The following MGAT4C variants were observed in gnomAD, a reference collection of about 807,000 sequenced individuals.
MGAT4C encodes MGAT4 family member C.
In MGAT4C, 19 loss-of-function variants were observed where a neutral mutation model predicts 40.1. The observed-to-expected ratio is 0.47, with a 90% CI of 0.33 to 0.70. The LOEUF is 0.70. Among genes scored for constraint, MGAT4C ranks in the 30% least tolerant of loss-of-function variants. The pLI is 0.02. For missense variants in MGAT4C, 491 were observed against 563.2 expected (o/e 0.87, Z 1.30); for synonymous variants, 181 against 187.1 (o/e 0.97, Z 0.27).
At chr12:86,509,802 T>C (rs1477916839) in intron 2 of MGAT4C, among the ~76,000 whole-genome samples, 2 of 152,210 alleles carry the variant, frequency 1.3e-5, no homozygotes, top group Non-Finnish European at 2.9e-5. Context: ...GATTCCTAGG[T>C]ATTTTATTCT....
chr12:86,790,424 A>T (rs1378928624), intron 1 of MGAT4C, among the ~76,000 whole-genome samples: 1 of 152,154 alleles, frequency 6.6e-6, no homozygotes, highest in Non-Finnish European at 1.5e-5. Flanking sequence ...ATTCAAAAAA[A>T]ACTAGATTTA....
chr12:86,038,045 G>C (rs975428880), intron 2 of MGAT4C, among the ~76,000 whole-genome samples: 1 of 149,618 alleles, frequency 6.7e-6, no homozygotes, highest in African/African-American at 2.4e-5. Context: ...ATGCTACTAT[G>C]GAGGCTGTGA....
intron 1 of MGAT4C, among the ~76,000 whole-genome samples, chr12:86,234,672 C>T (rs1951457302): frequency 6.6e-6 from 1 of 152,088 alleles, no homozygotes; most frequent in Non-Finnish European, 1.5e-5. Flanking sequence ...ACTTAATAAC[C>T]TCTCTTTTTT....
At chr12:86,696,807 G>T (rs1950268071) in intron 2 of MGAT4C, among the ~76,000 whole-genome samples, 1 of 151,568 alleles carries the variant, frequency 6.6e-6, no homozygotes, top group African/African-American at 2.4e-5. Flanking sequence ...TTTTTAATAT[G>T]AGCCCACTAA....
At chr12:86,628,614 T>C (rs2136500830) in intron 2 of MGAT4C, among the ~76,000 whole-genome samples, 1 of 152,178 alleles carries the variant, frequency 6.6e-6, no homozygotes, top group East Asian at 1.9e-4. Context: ...AGAAAATAAT[T>C]TTCAACCCAG....
At chr12:86,447,657 C>T (rs1428995493) in intron 2 of MGAT4C, among the ~76,000 whole-genome samples, 1 of 151,954 alleles carries the variant, frequency 6.6e-6, no homozygotes, top group Non-Finnish European at 1.5e-5. Context: ...TTTGTTCTAA[C>T]ATTTGTATTG....
chr12:86,231,288 T>C (rs2136015429), intron 1 of MGAT4C, among the ~76,000 whole-genome samples: 1 of 152,330 alleles, frequency 6.6e-6, no homozygotes, highest in African/African-American at 2.4e-5. Context: ...AGATAACTTA[T>C]CCTTAGGCAA....
chr12:86,218,319 A>G lies in MGAT4C; in HGVS notation c.-57+37920T>C, dbSNP rs78966696. Among the ~76,000 whole-genome samples the G allele has an allele frequency of 1.2e-3, 188 of 152,242 alleles. 1 individual carries two copies. Among genetic ancestry groups the G allele is most frequent in the African/African-American group, 4.3e-3 (177 of 41,562 alleles). On this transcript the variant is annotated intron_variant, in intron 1 of 4. Coordinates refer to ENST00000611864, the MANE Select transcript of MGAT4C (RefSeq NM_001351288.2). ...TTTTTTCACAGTGACCTGTAATACT[A>G]TTTTGATGAACCCTTGATATTTTTG...
At chr12:86,790,588 C>A (rs1025990284) in intron 1 of MGAT4C, among the ~76,000 whole-genome samples, 37 of 152,166 alleles carry the variant, frequency 2.4e-4, no homozygotes, top group African/African-American at 8.9e-4. Flanking sequence ...TCCTGGTTGA[C>A]TGAATCACAG....
intron 2 of MGAT4C, among the ~76,000 whole-genome samples, chr12:86,593,198 A>G (rs2136450776): frequency 6.6e-6 from 1 of 152,162 alleles, no homozygotes; most frequent in Non-Finnish European, 1.5e-5. Context: ...TTGTAAAATA[A>G]TCTCATGTAT....
At chr12:86,735,282 G>T (rs921572421) in intron 1 of MGAT4C, among the ~76,000 whole-genome samples, 1 of 151,922 alleles carries the variant, frequency 6.6e-6, no homozygotes, top group African/African-American at 2.4e-5. Flanking sequence ...GAGGGTCAGT[G>T]AGTTGGGCCC....
chr12:86,408,514 T>TATATATATATATA (rs1956533603), intron 3 of MGAT4C, among the ~76,000 whole-genome samples: 17 of 138,682 alleles, frequency 1.2e-4, no homozygotes, highest in African/African-American at 3.7e-4. Flanking sequence ...TATATATATA[T>TATATATATATATA]TCTTGCATAT....
chr12:86,237,954 G>C (rs1004793385), intron 1 of MGAT4C, among the ~76,000 whole-genome samples: 2 of 151,924 alleles, frequency 1.3e-5, no homozygotes, highest in African/African-American at 2.4e-5. Flanking sequence ...TGGGGTTGTA[G>C]AGTCATTTGA....
At chr12:86,804,865 C>A (rs573162369) in intron 1 of MGAT4C, among the ~76,000 whole-genome samples, 1 of 116,900 alleles carries the variant, frequency 8.6e-6, no homozygotes, top group African/African-American at 2.9e-5. Context: ...CTATACTTGA[C>A]GAACTTTGGT....
chr12:86,038,155 G>A (rs954650115), intron 2 of MGAT4C, among the ~76,000 whole-genome samples: 7 of 149,830 alleles, frequency 4.7e-5, no homozygotes, highest in Non-Finnish European at 1.0e-4. Flanking sequence ...ATGATCTACA[G>A]GTGTGATGGT....
At chr12:86,264,077 A>T (rs1332443972) in intron 4 of MGAT4C, among the ~76,000 whole-genome samples, 2 of 151,976 alleles carry the variant, frequency 1.3e-5, no homozygotes, top group African/African-American at 2.4e-5. Context: ...TACATCCTGG[A>T]TATTAGTCCC....
intron 1 of MGAT4C, among the ~76,000 whole-genome samples, chr12:86,774,281 CTCTT>C (rs6144795): frequency 0.034 from 2,003 of 58,900 alleles, 125 homozygotes; most frequent in Middle Eastern, 0.065. Context: ...CTAAGGCTTG[CTCTT>C]TCTTTCTTTC....
intron 2 of MGAT4C, among the ~76,000 whole-genome samples, chr12:86,457,059 T>C (rs1957521478): frequency 6.6e-6 from 1 of 152,162 alleles, no homozygotes; most frequent in Non-Finnish European, 1.5e-5. Context: ...GCTTAAGTGA[T>C]TATGACAGTT....
chr12:86,438,812 G>A (rs1275861809), intron 2 of MGAT4C, among the ~76,000 whole-genome samples: 1 of 151,800 alleles, frequency 6.6e-6, no homozygotes, highest in African/African-American at 2.4e-5. Context: ...CTGAGGGCAA[G>A]CAGGAGTAGC....
Sources: allele counts gnomAD v4.1 joint callset (sites outside exome capture counted in the v4.1 genomes callset), GRCh38; gene constraint gnomAD v4.1.1; transcripts MANE v1.5; gene names NCBI Gene and HGNC (gene_info 2026-07-23, HGNC 2026-07-21).